The following THRA variants were observed in gnomAD, a reference collection of about 807,000 sequenced individuals.
THRA encodes the protein EAR-7.
THRA carries 13 observed loss-of-function variants against 45.0 expected under a neutral mutation model. The ratio of observed to expected loss-of-function variants is 0.29; its 90% CI spans 0.19 to 0.46. The LOEUF (loss-of-function observed/expected upper bound fraction) is 0.46, where lower values mean the gene tolerates loss of function less well. Ranked by LOEUF, THRA falls within the 20% of genes least tolerant of loss-of-function variation. THRA has a pLI of 1.00. For missense variants in THRA, 278 were observed against 556.1 expected (o/e 0.50, Z 5.03); for synonymous variants, 195 against 214.0 (o/e 0.91, Z 0.78).
chr17:40,093,413 A>T (rs760392842), downstream of THRA: 7 of 1,596,554 alleles, frequency 4.4e-6, no homozygotes, highest in Middle Eastern at 2.1e-4. The surrounding 1 kb of genome is among the most constrained non-coding windows in gnomAD (Gnocchi z 5.9). Flanking sequence ...GGGAAGGAGA[A>T]GGAGTGCCAT....
chr17:40,076,948 G>A lies in THRA; in HGVS notation c.121+10G>A. 2 of 1,613,712 alleles carry A rather than the reference G, an allele frequency of 1.2e-6. No homozygotes were observed. The highest frequency in any genetic ancestry group is 1.7e-6 in the Non-Finnish European group (2 of 1,179,792). ...AAAACCAGCATGTCAGGTGAGGCTG[G>A]CTGTGCGTGCCCCTTCTCCACGTCC... On this transcript the variant is annotated intron_variant, in intron 3 of 8. Transcript: ENST00000450525.
At chr17:40,078,727 CTT>C (rs746350223) in intron 4 of THRA, among the ~76,000 whole-genome samples, 206 of 102,610 alleles carry the variant, frequency 2.0e-3, no homozygotes, top group African/African-American at 5.7e-3. Flanking sequence ...CAGCCTTCAT[CTT>C]TTTTTTTTTT....
At chr17:40,086,938 G>C in intron 7 of THRA, 85 bp downstream of exon 7, 2 of 1,572,202 alleles carry the variant, frequency 1.3e-6, no homozygotes, top group Non-Finnish European at 1.7e-6. Flanking sequence ...CTCATCTGAG[G>C]TTCTCTGGAC....
Position 40,088,338 on chromosome 17 carries a change from C to T in THRA, c.820C>T (p.Leu274=), listed in dbSNP as rs1208496020. 11 of 1,614,118 alleles carry T rather than the reference C, an allele frequency of 6.8e-6. No individual in the cohort carries two copies. The highest frequency in any genetic ancestry group is 9.3e-6 in the Non-Finnish European group (11 of 1,179,972). The part of the protein sequence containing the change: ...AVRYDPESDT[L]TLSGEMAVKR... ...CCGCTACGACCCTGAGAGCGACACC[C>T]TGACGCTGAGTGGGGAGATGGCTGT... Residue 274 remains leucine (L), a synonymous_variant, in exon 8 of 9, where the codon CTG becomes TTG. Coordinates refer to ENST00000450525, the MANE Select transcript of THRA (RefSeq NM_199334.5).
intron 4 of THRA, among the ~76,000 whole-genome samples, chr17:40,081,013 C>T (rs1361938784): frequency 1.3e-5 from 2 of 152,172 alleles, no homozygotes; most frequent in African/African-American, 2.4e-5. Context: ...TGAGCCACCG[C>T]ACTCGGCTGC....
intron 1 of THRA, among the ~76,000 whole-genome samples, chr17:40,069,918 A>G (rs1026776000): frequency 6.6e-6 from 1 of 151,122 alleles, no homozygotes; most frequent in African/African-American, 2.4e-5. Context: ...CCGAGTGGGA[A>G]GCAGTCTTTG....
downstream of THRA, chr17:40,093,844 CCAT>C: frequency 7.0e-7 from 1 of 1,418,826 alleles, no homozygotes; most frequent in East Asian, 2.3e-5. The surrounding 1 kb of genome is among the most constrained non-coding windows in gnomAD (Gnocchi z 5.9). Context: ...AGTAGGTACT[CCAT>C]AAAAGGTGTG....
Position 40,092,909 on chromosome 17 carries a change from G to A in THRA, c.*3453G>A, listed in dbSNP as rs201703604. 204 of 1,446,464 alleles carry A rather than the reference G, an allele frequency of 1.4e-4. 4 individuals are homozygous for A. The South Asian group carries it at 2.7e-3, about 19-fold the overall frequency. The allele number at this position is 1,446,464 out of a possible 1,614,324, so 89.6% of individuals were successfully genotyped here. On this transcript the variant is annotated 3_prime_UTR_variant, in exon 9 of 9. Transcript: ENST00000450525. ...GAGGAGGGGAAGTTCGGTGATGGGG[G>A]AGGGAGGCAGGTATTTACAAGAAGG... is the stretch of plus-strand genomic sequence containing the variant.
chr17:40,073,999 A>C (rs1286432304), intron 1 of THRA, among the ~76,000 whole-genome samples, 193 bp from the exon 2 acceptor site: 1 of 152,050 alleles, frequency 6.6e-6, no homozygotes, highest in Non-Finnish European at 1.5e-5. Context: ...GGGGCTTAGG[A>C]GGTGGATCTC....
In THRA at chr17:40,076,825, T is replaced by C. The variant is rs369077224; in HGVS notation, c.54-46T>C. The C allele has an allele frequency of 1.9e-6, 3 of 1,596,528 alleles. No homozygotes were observed. The African/African-American group carries it at 4.0e-5, about 21-fold the overall frequency. ...TAAGCCTCTCGGATGAGAAAGGGGC[T>C]ACTCGAAGACTGCTCTGTGATTCTG... On this transcript the variant is annotated intron_variant, in intron 2 of 8. Coordinates refer to ENST00000450525, the MANE Select transcript of THRA (RefSeq NM_199334.5).
chr17:40,081,679 C>T (rs988154449), intron 4 of THRA, among the ~76,000 whole-genome samples: 18 of 151,778 alleles, frequency 1.2e-4, no homozygotes, highest in African/African-American at 3.9e-4. Context: ...AAAATAAAGG[C>T]GAGGCTGGGT....
intron 2 of THRA, among the ~76,000 whole-genome samples, chr17:40,075,726 G>T (rs1181207079): frequency 6.6e-6 from 1 of 152,206 alleles, no homozygotes; most frequent in Non-Finnish European, 1.5e-5. Flanking sequence ...TACACTCAGA[G>T]GCTGTGAGTC....
chr17:40,088,236 C>G lies in THRA; in HGVS notation c.724-6C>G. 1 of 1,577,096 alleles carries G rather than the reference C, an allele frequency of 6.3e-7. No individual in the cohort carries two copies. Among genetic ancestry groups the G allele is most frequent in the Non-Finnish European group, 8.6e-7 (1 of 1,158,726 alleles). Reference sequence around the variant, plus strand: ...TGAGTGCTCCTGTGGCCCTGCCGCTCCACAGCTGCCTTGCGAAGACCAGAT... The same window carrying G: ...TGAGTGCTCCTGTGGCCCTGCCGCTGCACAGCTGCCTTGCGAAGACCAGAT... On this transcript the variant is annotated splice_region_variant and splice_polypyrimidine_tract_variant and intron_variant, in intron 7 of 8. Transcript: ENST00000450525.
chr17:40,089,308 A>G lies in THRA; in HGVS notation c.1085A>G (p.His362Arg). 6.2e-7 allele frequency: 1 copy of G among 1,613,858 alleles called. No individual in the cohort carries two copies. The highest frequency in any genetic ancestry group is 1.3e-5 in the African/African-American group (1 of 74,900). ...YVNHRKHNIP[H>R]FWPKLLMKVT... ...AACCACCGCAAACACAACATTCCGC[A>G]CTTCTGGCCCAAGCTGCTGATGAAG... The change falls in exon 9 of 9, where the codon CAC becomes CGC. Residue 362 changes from histidine to arginine, a missense_variant. Coordinates refer to ENST00000450525, the MANE Select transcript of THRA (RefSeq NM_199334.5). This position sits in a 1 kb window ranked among gnomAD's most constrained non-coding sequence, Gnocchi z 6.1.
rs200325527 is a variant in THRA, at chr17:40,063,878, G to GA, written c.-298+787dup. Among the ~76,000 whole-genome samples, 1,208 of 151,890 alleles carry GA rather than the reference G, an allele frequency of 8.0e-3. 11 individuals are homozygous for GA. Among genetic ancestry groups the GA allele is most frequent in the African/African-American group, 0.028 (1,160 of 41,342 alleles). ...CCAGCGTGAAAGAAAGGCCTGGGGG[G>GA]ATGACAGGGGCAATTGAAAGAACCA... is the stretch of plus-strand genomic sequence containing the variant. On this transcript the variant is annotated intron_variant, in intron 1 of 8. Coordinates refer to ENST00000450525, the MANE Select transcript of THRA (RefSeq NM_199334.5).
In THRA at chr17:40,081,191, C is replaced by T. The variant is rs114755039; in HGVS notation, c.223-2644C>T. 1.6e-3 allele frequency among the ~76,000 whole-genome samples: 241 copies of T among 152,318 alleles called. 1 individual carries two copies. The highest frequency in any genetic ancestry group is 5.6e-3 in the African/African-American group (234 of 41,564). On this transcript the variant is annotated intron_variant, in intron 4 of 8. Transcript: ENST00000450525. ...TGCAAAGTGGAGGCAGTAACAGTTC[C>T]TACCTCATAGGGTTGTCTGGAGGGT...
chr17:40,065,203 C>T (rs1351603877), intron 1 of THRA, among the ~76,000 whole-genome samples: 1 of 152,046 alleles, frequency 6.6e-6, no homozygotes, highest in Non-Finnish European at 1.5e-5. Flanking sequence ...GGGAGAGCTG[C>T]TCTCCTCCCT....
intron 2 of THRA, among the ~76,000 whole-genome samples, chr17:40,074,800 G>A (rs1255493048): frequency 2.0e-5 from 3 of 152,224 alleles, no homozygotes; most frequent in Non-Finnish European, 2.9e-5. Flanking sequence ...CCTAGACATT[G>A]CTGGGCAGTC....
rs1986880836 is a variant in THRA at position 40,074,422 on chromosome 17, G to T, written c.-67G>T. 1 of 1,589,212 alleles carries T rather than the reference G, an allele frequency of 6.3e-7. No homozygotes were observed. Reference sequence around the variant, plus strand: ...GGGTGGGTGGCCTGTGGGTGTGCCGGGGGGGCCAGTGTGCCCACCCCAGTC... The same window carrying T: ...GGGTGGGTGGCCTGTGGGTGTGCCGTGGGGGCCAGTGTGCCCACCCCAGTC... On this transcript the variant is annotated 5_prime_UTR_variant, in exon 2 of 9. Transcript: ENST00000450525.
Sources: allele counts gnomAD v4.1 joint callset (sites outside exome capture counted in the v4.1 genomes callset), GRCh38; gene constraint gnomAD v4.1.1; non-coding constraint Gnocchi (gnomAD v3.1); transcripts MANE v1.5; gene names NCBI Gene and HGNC (gene_info 2026-07-23, HGNC 2026-07-21).